The following DIP2A variants were observed in gnomAD, a reference collection of about 807,000 sequenced individuals.
The protein encoded by DIP2A is disco-interacting protein 2 homolog A.
Under a neutral mutation model 177.4 loss-of-function variants are expected in DIP2A, and 85 were observed. The observed-to-expected ratio is 0.48, with a 90% CI of 0.40 to 0.57. The LOEUF (loss-of-function observed/expected upper bound fraction) is 0.57, where lower values mean the gene tolerates loss of function less well. Ranked by LOEUF, DIP2A falls within the 20% of genes least tolerant of loss-of-function variation. The pLI, the probability that DIP2A is intolerant of heterozygous loss-of-function variation, is 0.00. For missense variants in DIP2A, 1,791 were observed against 2,100.2 expected, an observed-to-expected ratio of 0.85 and a Z score of 2.88; for synonymous variants, 886 against 881.8, an observed-to-expected ratio of 1.00 and a Z score of -0.08.
chr21:46,479,171 C>T (rs1170375756), intron 1 of DIP2A, among the ~76,000 whole-genome samples: 1 of 152,226 alleles, frequency 6.6e-6, no homozygotes, highest in Admixed American at 6.5e-5. Context: ...CTCTCTGAGT[C>T]TGTCCAAGTT....
At chr21:46,531,682 A>G (rs1235200245) in intron 9 of DIP2A, among the ~76,000 whole-genome samples, 1 of 152,206 alleles carries the variant, frequency 6.6e-6, no homozygotes, top group East Asian at 1.9e-4. Context: ...CTATAATATT[A>G]CACTTTATAA....
chr21:46,567,523 G>T lies in DIP2A; in HGVS notation c.4617G>T (p.Val1539=), dbSNP rs759868600. The T allele has an allele frequency of 6.2e-7, 1 of 1,613,892 alleles. No individual in the cohort carries two copies. The highest frequency in any genetic ancestry group is 8.5e-7 in the Non-Finnish European group (1 of 1,179,860). Residue 1539 remains valine (V), a synonymous_variant, in exon 38 of 38, where the codon GTG becomes GTT. Transcript: ENST00000417564. ...TGGTGGTCATCGTGGACCCAGGGGT[G>T]ATCCCTATCAACTCTCGGGGTGAGA... ...VGVVVIVDPG[V]IPINSRGEKQ... is the part of the protein sequence containing the mutation.
At chr21:46,470,763 C>CA (rs1348605904) in intron 1 of DIP2A, among the ~76,000 whole-genome samples, 6,193 of 108,616 alleles carry the variant, frequency 0.057, 451 homozygotes, top group African/African-American at 0.19. Flanking sequence ...GACTCTGTCT[C>CA]AAAAAAAAAA....
At chr21:46,572,556 G>A (rs1288942833), downstream of DIP2A, among the ~76,000 whole-genome samples, 2 of 152,116 alleles carry the variant, frequency 1.3e-5, no homozygotes, top group East Asian at 3.9e-4. Context: ...TGGGAATGGG[G>A]CTGATGGCTT....
chr21:46,534,771 C>A, intron 13 of DIP2A, 84 bp downstream of exon 13: 1 of 1,175,816 alleles, frequency 8.5e-7, no homozygotes, highest in Non-Finnish European at 1.2e-6. Context: ...TGTCACTGCA[C>A]CTGTCAAAAC....
chr21:46,582,966 A>T, the DIP2A span, among the ~76,000 whole-genome samples: 1 of 152,166 alleles, frequency 6.6e-6, no homozygotes, highest in Middle Eastern at 3.2e-3. Flanking sequence ...CAAGCAAACA[A>T]ACAAAAACAA....
At chr21:46,540,332 CTG>C (rs1367145533) in intron 17 of DIP2A, among the ~76,000 whole-genome samples, 1 of 152,174 alleles carries the variant, frequency 6.6e-6, no homozygotes, top group Non-Finnish European at 1.5e-5. Flanking sequence ...GCCGTGGAGT[CTG>C]TGGGAACCAC....
chr21:46,490,318 T>G (rs1222914643), intron 2 of DIP2A, among the ~76,000 whole-genome samples: 1 of 152,122 alleles, frequency 6.6e-6, no homozygotes, highest in Non-Finnish European at 1.5e-5. Context: ...TGAGCTGCCA[T>G]GTACTGTGCT....
intron 8 of DIP2A, among the ~76,000 whole-genome samples, chr21:46,516,715 G>A (rs923473964): frequency 4.9e-4 from 74 of 151,574 alleles, no homozygotes; most frequent in Middle Eastern, 3.2e-3. Context: ...GGATGGTCTC[G>A]ATCTCCTGAC....
At chr21:46,486,708 T>TCC (rs1459202372) in intron 2 of DIP2A, among the ~76,000 whole-genome samples, 1 of 152,204 alleles carries the variant, frequency 6.6e-6, no homozygotes, top group Non-Finnish European at 1.5e-5. Flanking sequence ...ATTCAATCAG[T>TCC]AGGATGCAGG....
intron 1 of DIP2A, among the ~76,000 whole-genome samples, chr21:46,478,974 GAT>G (rs765251761): frequency 3.9e-5 from 6 of 152,182 alleles, no homozygotes; most frequent in Non-Finnish European, 5.9e-5. Flanking sequence ...CTGGTAGGTA[GAT>G]AGGTTGGGAA....
intron 22 of DIP2A, 165 bp downstream of exon 22, chr21:46,550,050 T>A: frequency 7.0e-7 from 1 of 1,431,506 alleles, no homozygotes; most frequent in South Asian, 1.5e-5. Flanking sequence ...CTGTATGTAT[T>A]TACGGGATAC....
At chr21:46,490,499 G>A (rs1459005427) in intron 2 of DIP2A, 101 bp from the exon 3 acceptor site, 1 of 1,344,970 alleles carries the variant, frequency 7.4e-7, no homozygotes, top group Non-Finnish European at 1.0e-6. Context: ...TTGATAGAGG[G>A]TATGCAACAG....
intron 8 of DIP2A, among the ~76,000 whole-genome samples, chr21:46,521,123 C>T (rs963795864): frequency 2.0e-5 from 3 of 152,150 alleles, no homozygotes; most frequent in African/African-American, 7.2e-5. Flanking sequence ...TCCAAATAAT[C>T]TGTCTCCTTT....
chr21:46,541,315 G>A (rs1010794982), intron 17 of DIP2A, among the ~76,000 whole-genome samples: 7 of 152,266 alleles, frequency 4.6e-5, no homozygotes, highest in East Asian at 1.9e-4. Context: ...TGGAGGGAGC[G>A]GTGAGGGGCT....
rs145353902 is a variant in DIP2A at position 46,556,255 on chromosome 21, T to C, written c.3498+164T>C. On this transcript the variant is annotated intron_variant, in intron 29 of 37. Transcript: ENST00000417564. This position sits in a 1 kb window ranked among gnomAD's most constrained non-coding sequence, Gnocchi z 4.5. ...TGTTAAATACCAATAAATGCTAAGA[T>C]GTGATTAGCCTGAGAGTAATGCGTT... is the stretch of plus-strand genomic sequence containing the variant. The C allele has an allele frequency of 2.3e-4, 336 of 1,436,118 alleles. 4 individuals carry two copies. The East Asian group carries it at 7.5e-3, about 32-fold the overall frequency. The allele number at this position is 1,436,118 out of a possible 1,614,324, so 89.0% of individuals were successfully genotyped here.
chr21:46,553,350 A>G (rs2060340588), intron 25 of DIP2A: 1 of 152,196 alleles, frequency 6.6e-6, no homozygotes, highest in Non-Finnish European at 1.5e-5. Flanking sequence ...CTGGAGTTTT[A>G]TATTTATTAG....
chr21:46,546,129 C>A, intron 20 of DIP2A, 168 bp downstream of exon 20: 1 of 1,463,978 alleles, frequency 6.8e-7, no homozygotes. Flanking sequence ...TGTGCAGGGC[C>A]ATCCACACCT....
chr21:46,503,649 CTTTTTCTTTCTTTCTTTTT>C (rs2057808600), intron 5 of DIP2A, among the ~76,000 whole-genome samples: 1 of 101,338 alleles, frequency 9.9e-6, no homozygotes, highest in African/African-American at 4.0e-5. Flanking sequence ...TTCTTTCTTT[CTTTTTCTTTCTTTCTTTTT>C]CTTTCTTTCT....
Sources: gnomAD v4.1 joint callset for allele counts (sites outside exome capture counted in the v4.1 genomes callset) on GRCh38, gnomAD v4.1.1 for gene constraint, Gnocchi (gnomAD v3.1) non-coding constraint, MANE v1.5 for transcripts, NCBI Gene and HGNC (gene_info 2026-07-23, HGNC 2026-07-21) for gene names.